NBAS: variants seen among roughly 807,000 people sequenced by gnomAD.
NBAS encodes the protein NAG/BC035112 fusion.
In NBAS, 219 loss-of-function variants were observed where a neutral mutation model predicts 302.5. The observed-to-expected ratio is 0.72, with a 90% CI of 0.65 to 0.81. NBAS has a LOEUF of 0.81. Among genes scored for constraint, NBAS ranks in the 30% least tolerant of loss-of-function variants. The probability of loss-of-function intolerance (pLI) is 0.00; values close to 1 mark genes in which losing one functional copy is unlikely to be tolerated. For missense variants in NBAS, 2,932 were observed against 2,841.6 expected (o/e 1.03, Z -0.72); for synonymous variants, 1,118 against 1,021.6 (o/e 1.09, Z -1.80).
At chr2:14,994,924 A>C in the NBAS span, among the ~76,000 whole-genome samples, 1 of 152,078 alleles carries the variant, frequency 6.6e-6, no homozygotes, top group South Asian at 2.1e-4. Context: ...GATGCCCAAA[A>C]CCCCATCCTT....
the NBAS span, among the ~76,000 whole-genome samples, chr2:14,990,938 T>A: frequency 2.6e-5 from 4 of 151,864 alleles, no homozygotes; most frequent in African/African-American, 9.7e-5. Flanking sequence ...AGGAGAGACA[T>A]GGGAGGGACT....
At chr2:14,959,979 A>G in the NBAS span, among the ~76,000 whole-genome samples, 2 of 152,294 alleles carry the variant, frequency 1.3e-5, no homozygotes, top group Admixed American at 1.3e-4. Flanking sequence ...TAGCCCTGAA[A>G]ATTCTACTGT....
intron 44 of NBAS, among the ~76,000 whole-genome samples, chr2:15,258,392 G>A (rs1668699048): frequency 6.6e-6 from 1 of 152,102 alleles, no homozygotes; most frequent in Non-Finnish European, 1.5e-5. Flanking sequence ...CTGTGGGGTT[G>A]GGCAAAAAGA....
chr2:15,475,139 C>T (rs964473797), intron 14 of NBAS, among the ~76,000 whole-genome samples: 2 of 152,156 alleles, frequency 1.3e-5, no homozygotes, highest in African/African-American at 4.8e-5. Flanking sequence ...CTTTAAGGAA[C>T]ATCTTTAGAT....
the NBAS span, among the ~76,000 whole-genome samples, chr2:14,870,959 T>C: frequency 2.8e-5 from 4 of 143,640 alleles, no homozygotes; most frequent in African/African-American, 1.0e-4. Flanking sequence ...CTTGAAGACA[T>C]AAAAAAAAAG....
chr2:15,097,662 C>G, the NBAS span, among the ~76,000 whole-genome samples: 15 of 151,422 alleles, frequency 9.9e-5, no homozygotes, highest in Non-Finnish European at 1.8e-4. Context: ...TTCTGGGGCC[C>G]CTTTTATGAG....
At chr2:15,463,118 C>A (rs1345984924) in intron 19 of NBAS, among the ~76,000 whole-genome samples, 5 of 151,970 alleles carry the variant, frequency 3.3e-5, no homozygotes, top group Admixed American at 1.3e-4. Context: ...ACAACAACAA[C>A]AAAAAATTAG....
At position 15,240,619 on chromosome 2, in the gene NBAS, AAAAC is replaced by A. The variant is rs558022859; in HGVS notation, c.5725-1937_5725-1934del. Among the ~76,000 whole-genome samples the A allele has an allele frequency of 1.7e-3, 253 of 152,234 alleles. 2 individuals are homozygous for A. The highest frequency in any genetic ancestry group is 5.6e-3 in the African/African-American group (234 of 41,540). ...GAGACAAAGTGAGACTCCGTCTCAA[AAAAC>A]AAACAAAAAAAATGCTGACAGGGGA... On this transcript the variant is annotated intron_variant, in intron 44 of 51. Transcript: ENST00000281513.
the NBAS span, among the ~76,000 whole-genome samples, chr2:14,966,611 C>T: frequency 2.6e-5 from 4 of 152,138 alleles, no homozygotes; most frequent in African/African-American, 9.7e-5. Flanking sequence ...ACCTGTGTTA[C>T]TCAAAGGTGA....
the NBAS span, among the ~76,000 whole-genome samples, chr2:15,109,567 T>C: frequency 2.0e-5 from 3 of 152,134 alleles, no homozygotes; most frequent in African/African-American, 7.2e-5. Flanking sequence ...CAGAATTTAT[T>C]TCTCACAGTT....
At chr2:15,130,920 C>A in the NBAS span, among the ~76,000 whole-genome samples, 1 of 152,158 alleles carries the variant, frequency 6.6e-6, no homozygotes, top group Non-Finnish European at 1.5e-5. Context: ...AATACTAGAA[C>A]CTTCATGTAT....
the NBAS span, among the ~76,000 whole-genome samples, chr2:15,068,528 G>A: frequency 5.9e-5 from 9 of 152,200 alleles, no homozygotes; most frequent in African/African-American, 2.2e-4. Context: ...CACAATGCAG[G>A]CTTGAAGCTA....
At chr2:14,861,824 T>C in the NBAS span, among the ~76,000 whole-genome samples, 1 of 152,236 alleles carries the variant, frequency 6.6e-6, no homozygotes, top group African/African-American at 2.4e-5. Flanking sequence ...AGGGTTGTCT[T>C]GGTGAATACA....
the NBAS span, among the ~76,000 whole-genome samples, chr2:14,791,289 C>A: frequency 2.0e-5 from 3 of 152,302 alleles, no homozygotes; most frequent in East Asian, 5.8e-4. Context: ...CCACATCCGG[C>A]CTTCATGCCT....
At chr2:15,534,896 G>A (rs952040971) in intron 8 of NBAS, among the ~76,000 whole-genome samples, 6 of 152,224 alleles carry the variant, frequency 3.9e-5, no homozygotes, top group East Asian at 1.9e-4. Context: ...ACTGACCCAA[G>A]AGAAATGAAA....
intron 5 of NBAS, among the ~76,000 whole-genome samples, chr2:15,552,519 C>T (rs187862436): frequency 6.6e-6 from 1 of 152,228 alleles, no homozygotes; most frequent in East Asian, 1.9e-4. Flanking sequence ...AAATATATTC[C>T]TCTTCCATAT....
At chr2:15,521,043 A>G (rs958546078) in intron 9 of NBAS, among the ~76,000 whole-genome samples, 21 of 152,236 alleles carry the variant, frequency 1.4e-4, no homozygotes, top group Non-Finnish European at 2.4e-4. Context: ...CTTAACTTCA[A>G]TTGAAGTCAA....
chr2:14,831,821 T>G, the NBAS span, among the ~76,000 whole-genome samples: 1 of 152,152 alleles, frequency 6.6e-6, no homozygotes, highest in East Asian at 1.9e-4. Flanking sequence ...TTAAAAGAAG[T>G]GTAAGTGAAA....
At chr2:15,002,854 C>T in the NBAS span, among the ~76,000 whole-genome samples, 2 of 152,318 alleles carry the variant, frequency 1.3e-5, no homozygotes, top group Middle Eastern at 6.8e-3. Context: ...AGCCCACGCC[C>T]ACCCGGAACT....
Sources: allele counts gnomAD v4.1 joint callset (sites outside exome capture counted in the v4.1 genomes callset), GRCh38; gene constraint gnomAD v4.1.1; transcripts MANE v1.5; gene names NCBI Gene and HGNC (gene_info 2026-07-23, HGNC 2026-07-21).